The following CRYL1 variants were observed in gnomAD, a reference collection of about 807,000 sequenced individuals.
The protein encoded by CRYL1 is crystallin lambda 1.
CRYL1 carries 29 observed loss-of-function variants against 36.6 expected under a neutral mutation model. The observed-to-expected ratio is 0.79, with a 90% confidence interval of 0.59 to 1.08. CRYL1 has a LOEUF of 1.08. CRYL1 is among the 50% of genes least tolerant of loss of function. The pLI is 0.00. For missense variants in CRYL1, 411 were observed against 407.9 expected (o/e 1.01, Z -0.06); for synonymous variants, 152 against 151.5 (o/e 1.00, Z -0.02).
rs961917636 is a variant in CRYL1, at chr13:20,415,914, C to A, written c.634-2527G>T. Among the ~76,000 whole-genome samples, 1 of 152,212 alleles carries A rather than the reference C, an allele frequency of 6.6e-6. No homozygotes were observed. Among genetic ancestry groups the A allele is most frequent in the Non-Finnish European group, 1.5e-5 (1 of 68,034 alleles). ...AGATTCACCTGCGTCATGTGTCCATCTCCTTGATGCAGAGATATGAGTTTA... is the reference window on the plus strand; with the variant it reads ...AGATTCACCTGCGTCATGTGTCCATATCCTTGATGCAGAGATATGAGTTTA... On this transcript the variant is annotated intron_variant, in intron 5 of 7. Transcript: ENST00000298248. This position sits in a 1 kb window ranked among gnomAD's most constrained non-coding sequence, Gnocchi z 4.1.
At chr13:20,506,102 G>A (rs2033792812) in intron 2 of CRYL1, among the ~76,000 whole-genome samples, 1 of 152,176 alleles carries the variant, frequency 6.6e-6, no homozygotes, top group Non-Finnish European at 1.5e-5. Context: ...TCAAGACTAA[G>A]AATCCAGTAC....
intron 7 of CRYL1, 37 bp from the exon 8 acceptor site, chr13:20,404,279 A>C (rs759079318): frequency 7.4e-7 from 1 of 1,351,232 alleles, no homozygotes; most frequent in South Asian, 1.2e-5. Context: ...GACAATAAAG[A>C]GGAAATAATT....
Position 20,432,127 on chromosome 13 carries a change from AT to A in CRYL1, c.607del (p.Ile203SerfsTer7). On this transcript the variant is annotated frameshift_variant, in exon 5 of 8. Coordinates refer to ENST00000298248, the MANE Select transcript of CRYL1 (RefSeq NM_015974.3). LOFTEE classifies it high-confidence loss of function. ...CTCCACTAGCCGCCAGGCCTCGCTGATGATTGCATATTGCAGGCGGTTCAGA... is the reference window on the plus strand; with the variant it reads ...CTCCACTAGCCGCCAGGCCTCGCTGAGATTGCATATTGCAGGCGGTTCAGA... ...FVLNRLQYAI[I>X]SEAWRLVEEG... The A allele has an allele frequency of 6.2e-7, 1 of 1,614,150 alleles. No homozygotes were observed. Among genetic ancestry groups the A allele is most frequent in the Non-Finnish European group, 8.5e-7 (1 of 1,180,022 alleles).
intron 3 of CRYL1, among the ~76,000 whole-genome samples, chr13:20,474,749 C>G (rs1392269784): frequency 6.6e-6 from 1 of 152,176 alleles, no homozygotes; most frequent in Non-Finnish European, 1.5e-5. Context: ...TCTCCCCTCC[C>G]AGGGCCCTCA....
At chr13:20,513,698 C>T (rs988902718) in intron 1 of CRYL1, 1 of 151,644 alleles carries the variant, frequency 6.6e-6, no homozygotes, top group African/African-American at 2.4e-5. Flanking sequence ...AGTGAAAAGA[C>T]AAAAAAAGTC....
intron 5 of CRYL1, among the ~76,000 whole-genome samples, chr13:20,426,232 C>A (rs2031931804): frequency 6.7e-6 from 1 of 149,474 alleles, no homozygotes; most frequent in Admixed American, 6.7e-5. Flanking sequence ...ATTGTTCATT[C>A]ATTCTAATAT....
At chr13:20,508,848 C>CAAAA (rs1179533995) in intron 2 of CRYL1, among the ~76,000 whole-genome samples, 261 of 10,440 alleles carry the variant, frequency 0.025, 38 homozygotes, top group African/African-American at 0.076. Context: ...AGCGAGACTC[C>CAAAA]AAAAAAAAAA....
At chr13:20,437,368 C>T (rs1043300161) in intron 4 of CRYL1, among the ~76,000 whole-genome samples, 3 of 148,770 alleles carry the variant, frequency 2.0e-5, no homozygotes, top group East Asian at 2.0e-4. Context: ...AGTGCAGTGG[C>T]GCGATCTCGG....
At chr13:20,524,468 C>T (rs187734412) in intron 1 of CRYL1, among the ~76,000 whole-genome samples, 18 of 152,180 alleles carry the variant, frequency 1.2e-4, no homozygotes, top group African/African-American at 4.1e-4. Flanking sequence ...ACCTCCGCCT[C>T]CCGGGTTCAA....
intron 3 of CRYL1, among the ~76,000 whole-genome samples, chr13:20,487,895 A>G (rs1220394905): frequency 6.6e-6 from 1 of 152,216 alleles, no homozygotes; most frequent in Non-Finnish European, 1.5e-5. Flanking sequence ...TGAGGTCAGG[A>G]GTTTGAGACC....
intron 2 of CRYL1, among the ~76,000 whole-genome samples, chr13:20,510,117 T>C (rs1029633003): frequency 6.6e-6 from 1 of 152,210 alleles, no homozygotes; most frequent in African/African-American, 2.4e-5. Context: ...CTTACAAAGC[T>C]AAACAACCTG....
chr13:20,469,334 T>G (rs562469006), intron 3 of CRYL1, among the ~76,000 whole-genome samples: 113 of 152,354 alleles, frequency 7.4e-4, no homozygotes, highest in South Asian at 5.4e-3. Flanking sequence ...ATCTTTCTTC[T>G]GTAAATCCAC....
intron 4 of CRYL1, among the ~76,000 whole-genome samples, chr13:20,438,593 C>T (rs1288967481): frequency 6.6e-6 from 1 of 152,198 alleles, no homozygotes; most frequent in African/African-American, 2.4e-5. Context: ...ATTCTGCACA[C>T]CGAGCGTGTT....
chr13:20,484,964 C>A (rs190946880), intron 3 of CRYL1, among the ~76,000 whole-genome samples: 9 of 152,240 alleles, frequency 5.9e-5, no homozygotes, highest in Non-Finnish European at 1.2e-4. Flanking sequence ...CTGGGGGTTT[C>A]ATTTACTTGT....
At chr13:20,459,188 T>A (rs1442048812) in intron 3 of CRYL1, among the ~76,000 whole-genome samples, 6 of 143,006 alleles carry the variant, frequency 4.2e-5, no homozygotes, top group African/African-American at 7.8e-5. Context: ...GTAAGCCGAG[T>A]TCACGCCGCT....
chr13:20,442,615 G>T (rs2032372783), intron 3 of CRYL1, among the ~76,000 whole-genome samples: 1 of 152,194 alleles, frequency 6.6e-6, no homozygotes, highest in South Asian at 2.1e-4. Context: ...AACCCAGAGA[G>T]ATGCAACCCA....
chr13:20,434,462 G>A (rs997769148), intron 4 of CRYL1, among the ~76,000 whole-genome samples: 4 of 152,074 alleles, frequency 2.6e-5, no homozygotes, highest in African/African-American at 7.2e-5. Context: ...CAATCAGCAG[G>A]ATTCTAAAAG....
At chr13:20,438,853 T>C (rs751303572) in intron 4 of CRYL1, among the ~76,000 whole-genome samples, 9 of 152,338 alleles carry the variant, frequency 5.9e-5, no homozygotes, top group African/African-American at 2.2e-4. Context: ...GAGCTCGCAG[T>C]TGGGGCTCAA....
At chr13:20,519,422 C>G (rs1393958827) in intron 1 of CRYL1, among the ~76,000 whole-genome samples, 1 of 151,212 alleles carries the variant, frequency 6.6e-6, no homozygotes, top group African/African-American at 2.4e-5. Flanking sequence ...AGCCTCTAGC[C>G]CTAACTACCA....
Sources: gnomAD v4.1 joint callset for allele counts (sites outside exome capture counted in the v4.1 genomes callset) on GRCh38, gnomAD v4.1.1 for gene constraint, Gnocchi (gnomAD v3.1) non-coding constraint, MANE v1.5 for transcripts, NCBI Gene and HGNC (gene_info 2026-07-23, HGNC 2026-07-21) for gene names.